Variants in KIAA0586 observed in about 807,000 individuals in gnomAD.
KIAA0586 encodes the protein protein TALPID3.
A neutral mutation model predicts 169.8 loss-of-function variants in KIAA0586; 144 were observed. The ratio of observed to expected loss-of-function variants is 0.85; its 90% CI spans 0.74 to 0.97. KIAA0586 has a LOEUF of 0.97. KIAA0586 is among the 50% of genes least tolerant of loss of function. KIAA0586 has a pLI of 0.00. For missense variants in KIAA0586, 1,854 were observed against 1,823.0 expected (o/e 1.02, Z -0.31); for synonymous variants, 625 against 612.4 (o/e 1.02, Z -0.30).
rs760668629 is a variant in KIAA0586 at position 58,430,752 on chromosome 14, C to T, written c.340+35C>T. The T allele has an allele frequency of 6.0e-6, 7 of 1,173,274 alleles. No individual in the cohort carries two copies. The African/African-American group carries it at 9.2e-5, about 15-fold the overall frequency. The allele number at this position is 1,173,274 out of a possible 1,614,324, so 72.7% of individuals were successfully genotyped here. On this transcript the variant is annotated intron_variant, in intron 3 of 30. Coordinates refer to ENST00000652326, the MANE Select transcript of KIAA0586 (RefSeq NM_001329943.3). The stretch of plus-strand genomic sequence containing the variant: ...TAATATTGATTTTTTTAAATTGTGA[C>T]AACATATACATAACATAAAGTTTAC...
At chr14:58,453,967 A>G (rs1301254246) in intron 9 of KIAA0586, among the ~76,000 whole-genome samples, 1 of 152,206 alleles carries the variant, frequency 6.6e-6, no homozygotes, top group Non-Finnish European at 1.5e-5. Context: ...CTACAGTAAT[A>G]AGAACTAGAG....
At position 58,540,077 on chromosome 14, in the gene KIAA0586, C is replaced by T; in HGVS notation, c.4436C>T (p.Pro1479Leu). 1 of 1,543,584 alleles carries T rather than the reference C, an allele frequency of 6.5e-7. No homozygotes were observed. Reference protein sequence around the residue: ...DIAPSQQQVSPGDMDRTQIEL... With the variant: ...DIAPSQQQVSLGDMDRTQIEL... ...AAAATAAATTTTTATGTAGTTTCAC[C>T]AGGTGATATGGATCGGACACAAATT... is the stretch of plus-strand genomic sequence containing the variant. The change falls in exon 30 of 31, where the codon CCA (proline) becomes CTA (leucine). Residue 1479 changes from proline to leucine, a missense_variant. Pro to Leu is a moderately conservative substitution (Grantham distance 98). Coordinates refer to ENST00000652326, the MANE Select transcript of KIAA0586 (RefSeq NM_001329943.3).
chr14:58,430,602 A>T (rs766653685), intron 2 of KIAA0586, 46 bp from the exon 3 acceptor site: 16 of 1,195,198 alleles, frequency 1.3e-5, no homozygotes. Context: ...ATAAATAATA[A>T]ATCATGAAGT....
At position 58,488,888 on chromosome 14, in the gene KIAA0586, T is replaced by C; in HGVS notation, c.3781+14T>C. 1 of 1,609,874 alleles carries C rather than the reference T, an allele frequency of 6.2e-7. No individual in the cohort carries two copies. Among genetic ancestry groups the C allele is most frequent in the Non-Finnish European group, 8.5e-7 (1 of 1,177,284 alleles). ...TGGCCCCCAAGAGTAAGTTAATTTG[T>C]ATTAGTTGATTTTACTTGTTAGATT... On this transcript the variant is annotated intron_variant, in intron 24 of 30. Coordinates refer to ENST00000652326, the MANE Select transcript of KIAA0586 (RefSeq NM_001329943.3).
At chr14:58,452,408 C>T (rs2039463813) in intron 8 of KIAA0586, among the ~76,000 whole-genome samples, 2 of 152,108 alleles carry the variant, frequency 1.3e-5, no homozygotes, top group South Asian at 4.1e-4. Context: ...CAGGTCTTAT[C>T]TTAGACACAT....
intron 21 of KIAA0586, among the ~76,000 whole-genome samples, chr14:58,484,203 C>A (rs2042218886): frequency 6.6e-6 from 1 of 152,124 alleles, no homozygotes; most frequent in South Asian, 2.1e-4. Flanking sequence ...GTTTAAATGA[C>A]CATGGCTTTG....
At position 58,490,164 on chromosome 14, in the gene KIAA0586, T is replaced by TATTTTAA; in HGVS notation, c.3782_3783insATTTTAA (p.Leu1262PhefsTer2). Reference sequence around the variant, plus strand: ...TAAACTTTTATATTTTAATTTCTAGTTTTAGAAGATATAGGACTGTACCTG... The same window carrying TATTTTAA: ...TAAACTTTTATATTTTAATTTCTAGTATTTTAATTTAGAAGATATAGGACTGTACCTG... On this transcript the variant is annotated stop_gained and frameshift_variant and splice_region_variant, in exon 25 of 31. Transcript: ENST00000652326. LOFTEE classifies it high-confidence loss of function. The TATTTTAA allele has an allele frequency of 7.4e-7, 1 of 1,353,136 alleles. No individual in the cohort carries two copies. Among genetic ancestry groups the TATTTTAA allele is most frequent in the Non-Finnish European group, 1.0e-6 (1 of 995,336 alleles). The allele number at this position is 1,353,136 out of a possible 1,614,324, so 83.8% of individuals were successfully genotyped here.
At chr14:58,525,241 G>A (rs1281583559) in intron 29 of KIAA0586, among the ~76,000 whole-genome samples, 1 of 152,016 alleles carries the variant, frequency 6.6e-6, no homozygotes, top group Non-Finnish European at 1.5e-5. Context: ...AAGATTATAT[G>A]TATAAGATAT....
At chr14:58,453,974 A>G (rs1053871058) in intron 9 of KIAA0586, among the ~76,000 whole-genome samples, 4 of 152,198 alleles carry the variant, frequency 2.6e-5, no homozygotes, top group Non-Finnish European at 4.4e-5. Flanking sequence ...AATAAGAACT[A>G]GAGGAGCCAT....
chr14:58,518,469 G>A, intron 29 of KIAA0586, among the ~76,000 whole-genome samples: 1 of 152,190 alleles, frequency 6.6e-6, no homozygotes, highest in Non-Finnish European at 1.5e-5. Flanking sequence ...CTAATCTACA[G>A]TGGAAGTACT....
chr14:58,561,457 A>G, the KIAA0586 span, among the ~76,000 whole-genome samples: 1 of 152,246 alleles, frequency 6.6e-6, no homozygotes, highest in Non-Finnish European at 1.5e-5. Context: ...ATCACAAATT[A>G]TATAAGTAGA....
rs535639071 is a variant in KIAA0586 at position 58,519,774 on chromosome 14, A to G, written c.4429+7147A>G. Among the ~76,000 whole-genome samples the G allele has an allele frequency of 5.3e-5, 8 of 152,320 alleles. No individual in the cohort carries two copies. The South Asian group carries it at 1.2e-3, about 24-fold the overall frequency. Reference sequence around the variant, plus strand: ...AGTGTAGCACTGTGGTGATCAGTAAATGTTCATGGAATTGAATTTGATGAT... The same window carrying G: ...AGTGTAGCACTGTGGTGATCAGTAAGTGTTCATGGAATTGAATTTGATGAT... On this transcript the variant is annotated intron_variant, in intron 29 of 30. Coordinates refer to ENST00000652326, the MANE Select transcript of KIAA0586 (RefSeq NM_001329943.3).
At chr14:58,555,378 G>A (rs574346060), downstream of KIAA0586, among the ~76,000 whole-genome samples, 3 of 152,226 alleles carry the variant, frequency 2.0e-5, no homozygotes, top group Non-Finnish European at 4.4e-5. Flanking sequence ...TGGGATTACA[G>A]GCGTGAGCCA....
chr14:58,498,102 C>T (rs777699177), intron 26 of KIAA0586, among the ~76,000 whole-genome samples: 10 of 152,056 alleles, frequency 6.6e-5, no homozygotes, highest in African/African-American at 1.2e-4. Context: ...TGGTCTTGAT[C>T]TCCTGACCTT....
chr14:58,539,860 G>A, intron 29 of KIAA0586: 2 of 391,476 alleles, frequency 5.1e-6, no homozygotes, highest in Non-Finnish European at 4.5e-6. Context: ...ATAATAATCC[G>A]TTAAAGTATT....
In KIAA0586 at chr14:58,486,950, A is replaced by G. The variant is rs574947159; in HGVS notation, c.3145-57A>G. On this transcript the variant is annotated intron_variant, in intron 21 of 30. Transcript: ENST00000652326. Reference sequence around the variant, plus strand: ...CTATGAATGAGTTCATATTATTTTCAAATTACTTTTATTTGGGTGATTATA... The same window carrying G: ...CTATGAATGAGTTCATATTATTTTCGAATTACTTTTATTTGGGTGATTATA... The G allele has an allele frequency of 8.5e-6, 12 of 1,403,774 alleles. 1 individual carries two copies. The South Asian group carries it at 1.6e-4, about 19-fold the overall frequency. The allele number at this position is 1,403,774 out of a possible 1,614,324, so 87.0% of individuals were successfully genotyped here.
the KIAA0586 span, among the ~76,000 whole-genome samples, chr14:58,559,965 A>G: frequency 1.3e-5 from 2 of 152,162 alleles, no homozygotes; most frequent in Non-Finnish European, 2.9e-5. Flanking sequence ...AGCCTGACTA[A>G]CATGGTGAAA....
chr14:58,555,282 G>T (rs558068926), downstream of KIAA0586, among the ~76,000 whole-genome samples: 33 of 151,764 alleles, frequency 2.2e-4, no homozygotes, highest in South Asian at 6.7e-3. Flanking sequence ...TGTATTTTCA[G>T]TAGAGACAGC....
chr14:58,502,884 T>C (rs552885252), intron 27 of KIAA0586, among the ~76,000 whole-genome samples: 2 of 152,284 alleles, frequency 1.3e-5, no homozygotes, highest in East Asian at 1.9e-4. Context: ...TAGTGATTGG[T>C]ATTGCTTTTC....
Sources: allele counts gnomAD v4.1 joint callset (sites outside exome capture counted in the v4.1 genomes callset), GRCh38; gene constraint gnomAD v4.1.1; transcripts MANE v1.5; gene names NCBI Gene and HGNC (gene_info 2026-07-23, HGNC 2026-07-21).